The following GUCY2F variants were observed in gnomAD, a reference collection of about 807,000 sequenced individuals.
GUCY2F encodes guanylate cyclase 2F, retinal, also known as retinal guanylyl cyclase 2.
In GUCY2F, 61 loss-of-function variants were observed where a neutral mutation model predicts 73.1. That is an observed-to-expected ratio of 0.83 (90% CI 0.68 to 1.03). GUCY2F has a LOEUF of 1.03. Among genes scored for constraint, GUCY2F ranks in the 50% least tolerant of loss-of-function variants. The probability of loss-of-function intolerance (pLI) is 0.00; values close to 1 mark genes in which losing one functional copy is unlikely to be tolerated. For synonymous variants in GUCY2F, 331 were observed against 307.8 expected (o/e 1.08, Z -0.79); for missense variants, 912 against 854.3 (o/e 1.07, Z -0.84).
rs1304419390 is a variant in GUCY2F, at chrX:109,373,727, G to A, written c.*2-728C>T. 2.7e-5 allele frequency among the ~76,000 whole-genome samples: 3 copies of A among 112,448 alleles called. No homozygotes were observed. In the East Asian group the frequency reaches 8.4e-4, roughly 32 times the overall value. On this transcript the variant is annotated intron_variant, in intron 19 of 19. Coordinates refer to ENST00000218006, the MANE Select transcript of GUCY2F (RefSeq NM_001522.3). The stretch of plus-strand genomic sequence containing the variant: ...TTCATTATGATATGGGTGATTAATT[G>A]TTTCTCACCCTCAAAAAAGCACATC...
At chrX:109,449,841 G>C (rs1344216091) in intron 5 of GUCY2F, among the ~76,000 whole-genome samples, 2 of 111,522 alleles carry the variant, frequency 1.8e-5, no homozygotes, top group African/African-American at 6.5e-5. Context: ...CAGAGGAGTA[G>C]AGAGAAAGGA....
chrX:109,402,371 G>A (rs1294036328), intron 10 of GUCY2F, among the ~76,000 whole-genome samples: 4 of 100,061 alleles, frequency 4.0e-5, no homozygotes, highest in Admixed American at 1.0e-4. Flanking sequence ...GAAGCTAGGC[G>A]TTTTGTTTTT....
chrX:109,453,476 T>C, intron 4 of GUCY2F, 29 bp downstream of exon 4: 2 of 1,005,424 alleles, frequency 2.0e-6, no homozygotes, highest in East Asian at 3.1e-5. Context: ...CTGAGCCAAA[T>C]TGACTACTAG....
intron 15 of GUCY2F, among the ~76,000 whole-genome samples, chrX:109,385,654 T>C (rs971138239): frequency 2.3e-4 from 26 of 111,869 alleles, no homozygotes; most frequent in Non-Finnish European, 3.6e-4. Context: ...TCTTGTGCCT[T>C]AGGGTTGGAA....
chrX:109,418,351 A>G (rs1164875140), intron 8 of GUCY2F, among the ~76,000 whole-genome samples: 1 of 112,179 alleles, frequency 8.9e-6, no homozygotes, highest in Non-Finnish European at 1.9e-5. Context: ...CAACTGTACA[A>G]TATGCATTAA....
chrX:109,393,155 CCAG>C, intron 12 of GUCY2F, 100 bp from the exon 13 acceptor site: 2 of 508,084 alleles, frequency 3.9e-6, no homozygotes, highest in Non-Finnish European at 6.8e-6. Flanking sequence ...CACCAAAATG[CCAG>C]GGCAGGAAAG....
intron 17 of GUCY2F, among the ~76,000 whole-genome samples, chrX:109,377,039 GA>G (rs1353020721): frequency 8.9e-6 from 1 of 112,165 alleles, no homozygotes; most frequent in Non-Finnish European, 1.9e-5. Flanking sequence ...GAGCAGTTCT[GA>G]ATTGTTTAAC....
chrX:109,380,188 A>G (rs1489208147), intron 17 of GUCY2F, among the ~76,000 whole-genome samples: 2 of 112,154 alleles, frequency 1.8e-5, no homozygotes, highest in African/African-American at 6.5e-5. Context: ...TCAACTTTGA[A>G]ATCACACCGG....
intron 16 of GUCY2F, among the ~76,000 whole-genome samples, chrX:109,382,435 A>G (rs975703714): frequency 8.9e-6 from 1 of 111,914 alleles, no homozygotes; most frequent in African/African-American, 3.3e-5. Context: ...CCTCCTAGAC[A>G]CTATCTTAAA....
rs750546281 is a variant in GUCY2F, at chrX:109,449,110, C to A, written c.1473-945G>T. On this transcript the variant is annotated intron_variant, in intron 5 of 19. Transcript: ENST00000218006. ...CAATTTGGCTTTGCTTTTTCCATAA[C>A]CCCATAATGGTTACTCTGTGGAATG... 3.3e-3 allele frequency among the ~76,000 whole-genome samples: 368 copies of A among 111,383 alleles called. 5 individuals carry two copies. Among genetic ancestry groups the A allele is most frequent in the African/African-American group, 0.011 (344 of 30,668 alleles).
In GUCY2F at chrX:109,448,069, C is replaced by G. The variant is rs374909566; in HGVS notation, c.1569G>C (p.Lys523Asn). The G allele has an allele frequency of 1.0e-5, 10 of 975,602 alleles. No homozygotes were observed. The highest frequency in any genetic ancestry group is 1.5e-5 in the Non-Finnish European group (10 of 682,348). 80.4% of individuals were successfully genotyped at this position (975,602 alleles called of 1,213,427 possible). Residue 523 changes from lysine (K) to asparagine (N), a missense_variant and splice_region_variant, in exon 6 of 20, where the codon AAG becomes AAC. Lys to Asn is a moderately conservative substitution (Grantham distance 94). Coordinates refer to ENST00000218006, the MANE Select transcript of GUCY2F (RefSeq NM_001522.3). ...VTFINPHFGS[K>N]RGSRASVSFQ... ...AGCAAAAGAAGAGGATACTCCTTAC[C>G]TTACTGCCAAAGTGGGGATTGATAA...
At chrX:109,378,311 T>C (rs112519974) in intron 17 of GUCY2F, among the ~76,000 whole-genome samples, 21 of 111,527 alleles carry the variant, frequency 1.9e-4, no homozygotes, top group South Asian at 7.7e-4. Context: ...AAATTTTAAA[T>C]GCTCTTCCTT....
At chrX:109,380,071 G>A (rs1930266301) in intron 17 of GUCY2F, among the ~76,000 whole-genome samples, 1 of 112,246 alleles carries the variant, frequency 8.9e-6, no homozygotes, top group African/African-American at 3.2e-5. Context: ...AGATGGCGTG[G>A]AGGGAAGAAG....
intron 8 of GUCY2F, among the ~76,000 whole-genome samples, chrX:109,409,919 G>A (rs1360559562): frequency 9.0e-6 from 1 of 111,177 alleles, no homozygotes; most frequent in Admixed American, 9.6e-5. Context: ...TTAGCAGCAT[G>A]ATAACGGACT....
At chrX:109,463,077 CA>C (rs1932394557) in intron 3 of GUCY2F, among the ~76,000 whole-genome samples, 1 of 111,354 alleles carries the variant, frequency 9.0e-6, no homozygotes, top group Admixed American at 9.6e-5. Context: ...CAAGAATCAG[CA>C]AAATATTTGA....
At chrX:109,436,395 G>C (rs1931746133) in intron 7 of GUCY2F, among the ~76,000 whole-genome samples, 1 of 110,881 alleles carries the variant, frequency 9.0e-6, no homozygotes, top group African/African-American at 3.3e-5. Context: ...CAGGGATCTA[G>C]AACTAGAAAT....
chrX:109,450,332 T>C (rs1485485129), intron 5 of GUCY2F, among the ~76,000 whole-genome samples: 1 of 111,289 alleles, frequency 9.0e-6, no homozygotes, highest in African/African-American at 3.3e-5. Flanking sequence ...TTTCCAAGAA[T>C]TGCAGACTAG....
At chrX:109,374,218 A>G (rs1259689657) in intron 19 of GUCY2F, among the ~76,000 whole-genome samples, 1 of 111,869 alleles carries the variant, frequency 8.9e-6, no homozygotes. Flanking sequence ...TTTGTCAGGG[A>G]TGTACTTCTT....
Position 109,446,839 on chromosome X carries a change from A to G in GUCY2F, c.1569+1230T>C, listed in dbSNP as rs771021152. On this transcript the variant is annotated intron_variant, in intron 6 of 19. Coordinates refer to ENST00000218006, the MANE Select transcript of GUCY2F (RefSeq NM_001522.3). ...AAACTACCATCAGAGTGAACAGGCA[A>G]CCTACAGAATGGGAGAAAATTTTTG... is the stretch of plus-strand genomic sequence containing the variant. 2.0e-3 allele frequency among the ~76,000 whole-genome samples: 224 copies of G among 112,053 alleles called. 1 individual carries two copies. Among genetic ancestry groups the G allele is most frequent in the Non-Finnish European group, 3.6e-3 (189 of 53,197 alleles).
Sources: allele counts gnomAD v4.1 joint callset (sites outside exome capture counted in the v4.1 genomes callset), GRCh38; gene constraint gnomAD v4.1.1; transcripts MANE v1.5; gene names NCBI Gene and HGNC (gene_info 2026-07-23, HGNC 2026-07-21).